Variants in WFS1 observed in about 807,000 individuals in gnomAD.
WFS1 encodes wolframin.
WFS1 carries 90 observed loss-of-function variants against 68.5 expected under a neutral mutation model. The observed-to-expected ratio is 1.31, with a 90% CI of 1.11 to 1.56. The LOEUF (loss-of-function observed/expected upper bound fraction) is 1.56. Among genes scored for constraint, WFS1 ranks in the 40% most tolerant of loss-of-function variants. The pLI is 0.00. For synonymous variants in WFS1, 860 were observed against 540.7 expected (o/e 1.59, Z -8.19); for missense variants, 1,767 against 1,232.6 (o/e 1.43, Z -6.49).
chr4:6,296,691 C>T (rs1730648808), intron 7 of WFS1, among the ~76,000 whole-genome samples: 1 of 152,216 alleles, frequency 6.6e-6, no homozygotes, highest in Admixed American at 6.5e-5. Flanking sequence ...GGCCATGGCC[C>T]AGGTGTCCCA....
chr4:6,301,410 A>G lies in WFS1; in HGVS notation c.1615A>G (p.Met539Val), dbSNP rs1178491578. 6.2e-7 allele frequency: 1 copy of G among 1,612,488 alleles called. No individual in the cohort carries two copies. The highest frequency in any genetic ancestry group is 1.7e-5 in the Admixed American group (1 of 60,038). The change falls in exon 8 of 8, where the codon ATG (methionine) becomes GTG (valine). Residue 539 changes from methionine to valine, a missense_variant. Met to Val is a conservative substitution (Grantham distance 21). Transcript: ENST00000226760. ...CCTTGTGCCCTACCTGGTGTGCTTCATGTGGTGTGAGCTCTCCGTGGTCAT... is the reference window on the plus strand; with the variant it reads ...CCTTGTGCCCTACCTGGTGTGCTTCGTGTGGTGTGAGCTCTCCGTGGTCAT... ...CYLVPYLVCF[M>V]WCELSVVILL...
intron 6 of WFS1, 93 bp downstream of exon 6, chr4:6,292,090 C>T (rs1385747992): frequency 3.0e-6 from 4 of 1,328,876 alleles, no homozygotes; most frequent in African/African-American, 2.9e-5. Flanking sequence ...CCTGGCCTGC[C>T]CTATCTCACC....
Position 6,287,230 on chromosome 4 carries a change from C to A in WFS1, c.315+55C>A. The A allele has an allele frequency of 6.8e-7, 1 of 1,461,332 alleles. No homozygotes were observed. The highest frequency in any genetic ancestry group is 9.4e-7 in the Non-Finnish European group (1 of 1,067,132). The allele number at this position is 1,461,332 out of a possible 1,614,324, so 90.5% of individuals were successfully genotyped here. A position where few individuals can be genotyped will look rare whatever the true frequency, so the allele number is the denominator to read the frequency against. On this transcript the variant is annotated intron_variant, in intron 3 of 7. Coordinates refer to ENST00000226760, the MANE Select transcript of WFS1 (RefSeq NM_006005.3). The surrounding 1 kb of genome is among the most constrained non-coding windows in gnomAD (Gnocchi z 6.4). ...GGGACGCGGCCCCCGGCACAACAGG[C>A]CTGGCCACGAGCTCCACAGCCCACA...
At chr4:6,277,380 T>A in intron 1 of WFS1, 71 bp from the exon 2 acceptor site, 1 of 1,440,968 alleles carries the variant, frequency 6.9e-7, no homozygotes, top group South Asian at 1.2e-5. Context: ...CTTTTCTGTC[T>A]CCAGCAGACA....
intron 7 of WFS1, 142 bp from the exon 8 acceptor site, chr4:6,300,515 C>G (rs1029730050): frequency 7.8e-7 from 1 of 1,286,268 alleles, no homozygotes; most frequent in Non-Finnish European, 1.1e-6. Flanking sequence ...GGAGGGAGGA[C>G]CACTAGGATG....
intron 1 of WFS1, among the ~76,000 whole-genome samples, chr4:6,274,734 G>T (rs1026706845): frequency 1.3e-5 from 2 of 152,162 alleles, no homozygotes; most frequent in Non-Finnish European, 2.9e-5. Flanking sequence ...AGAGGGCCCT[G>T]CAGAAACAGA....
intron 6 of WFS1, among the ~76,000 whole-genome samples, chr4:6,294,114 G>A (rs1730556107): frequency 6.6e-6 from 1 of 152,182 alleles, no homozygotes; most frequent in Non-Finnish European, 1.5e-5. Context: ...TGCCATCTTG[G>A]ATGCAGCCTG....
At chr4:6,299,878 GCA>G (rs1161523219) in intron 7 of WFS1, among the ~76,000 whole-genome samples, 19 of 118,692 alleles carry the variant, frequency 1.6e-4, no homozygotes, top group African/African-American at 6.5e-4. Context: ...GGGGTGGGCT[GCA>G]TGTGTGTGTG....
rs1193047205 is a variant in WFS1 at position 6,300,823 on chromosome 4, T to A, written c.1028T>A (p.Phe343Tyr). The A allele has an allele frequency of 1.9e-6, 3 of 1,614,056 alleles. No individual in the cohort carries two copies. Among genetic ancestry groups the A allele is most frequent in the Non-Finnish European group, 2.5e-6 (3 of 1,179,956 alleles). The change falls in exon 8 of 8, where the codon TTC becomes TAC. Residue 343 changes from phenylalanine (F) to tyrosine (Y), a missense_variant. By Grantham distance (22) the Phe-to-Tyr change is conservative. Transcript: ENST00000226760. ...VSNLTIDFFA[F>Y]FIPLVIFYLS... is the part of the protein sequence containing the mutation. The stretch of plus-strand genomic sequence containing the variant: ...AACCTCACCATCGACTTCTTCGCCT[T>A]CTTCATCCCGCTGGTCATCTTCTAC...
At chr4:6,275,020 C>T (rs940785662) in intron 1 of WFS1, among the ~76,000 whole-genome samples, 3 of 152,102 alleles carry the variant, frequency 2.0e-5, no homozygotes, top group Admixed American at 1.3e-4. Context: ...AACATTTCCC[C>T]ATCTATAACT....
At position 6,283,653 on chromosome 4, in the gene WFS1, C is replaced by T. The variant is rs755843391; in HGVS notation, c.233-3440C>T. Among the ~76,000 whole-genome samples the T allele has an allele frequency of 1.4e-4, 22 of 152,338 alleles. No individual in the cohort carries two copies. The highest frequency in any genetic ancestry group is 3.4e-3 in the Middle Eastern group (1 of 294). Reference sequence around the variant, plus strand: ...TTCCCAGCAGTTCTAGCACAAACTCCGCTGGGCTGTGTCCATCCCTGAACC... The same window carrying T: ...TTCCCAGCAGTTCTAGCACAAACTCTGCTGGGCTGTGTCCATCCCTGAACC... On this transcript the variant is annotated intron_variant, in intron 2 of 7. Transcript: ENST00000226760. The surrounding 1 kb of genome is among the most constrained non-coding windows in gnomAD (Gnocchi z 5.0).
chr4:6,298,221 G>A (rs1262769990), intron 7 of WFS1, among the ~76,000 whole-genome samples: 5 of 152,232 alleles, frequency 3.3e-5, no homozygotes, highest in Non-Finnish European at 7.3e-5. Context: ...GCCGGCTGAC[G>A]CACATGTTGA....
chr4:6,276,447 C>G (rs1438373418), intron 1 of WFS1, among the ~76,000 whole-genome samples: 2 of 152,132 alleles, frequency 1.3e-5, no homozygotes, highest in Non-Finnish European at 2.9e-5. Context: ...TTCTGATGCC[C>G]CCACCGCACT....
At chr4:6,294,198 C>T (rs765896712) in intron 6 of WFS1, among the ~76,000 whole-genome samples, 1 of 152,174 alleles carries the variant, frequency 6.6e-6, no homozygotes, top group Non-Finnish European at 1.5e-5. Flanking sequence ...CTTTCTTTCC[C>T]ATCCTTCCCC....
At chr4:6,295,501 C>A (rs1376640114) in intron 7 of WFS1, among the ~76,000 whole-genome samples, 1 of 152,202 alleles carries the variant, frequency 6.6e-6, no homozygotes, top group African/African-American at 2.4e-5. Context: ...GGGCTGGACG[C>A]AGACTTTCAT....
Position 6,301,987 on chromosome 4 carries a change from T to G in WFS1, c.2192T>G (p.Met731Arg). ...NMLPFFIGDWMRCLYGEAYPA... is the reference protein window; with the variant it reads ...NMLPFFIGDWRRCLYGEAYPA... ...CTCCCGTTCTTCATCGGCGACTGGATGCGCTGCCTCTACGGCGAGGCCTAC... is the reference window on the plus strand; with the variant it reads ...CTCCCGTTCTTCATCGGCGACTGGAGGCGCTGCCTCTACGGCGAGGCCTAC... Residue 731 changes from methionine to arginine, a missense_variant, in exon 8 of 8, where the codon ATG (methionine) becomes AGG (arginine). Transcript: ENST00000226760. 1 of 1,612,748 alleles carries G rather than the reference T, an allele frequency of 6.2e-7. No homozygotes were observed.
chr4:6,302,094 A>T lies in WFS1; in HGVS notation c.2299A>T (p.Ile767Phe). The T allele has an allele frequency of 6.2e-7, 1 of 1,612,906 alleles. No individual in the cohort carries two copies. Among genetic ancestry groups the T allele is most frequent in the Non-Finnish European group, 8.5e-7 (1 of 1,180,018 alleles). Residue 767 changes from isoleucine (I) to phenylalanine (F), a missense_variant, in exon 8 of 8, where the codon ATC becomes TTC. Ile to Phe is a conservative substitution (Grantham distance 21, BLOSUM62 0). Transcript: ENST00000226760. ...LKLLAKHPCH[I>F]KKFDRYKFEI... is the part of the protein sequence containing the mutation. The stretch of plus-strand genomic sequence containing the variant: ...GCTGCTGGCCAAGCACCCCTGCCAC[A>T]TCAAGAAGTTCGACCGCTACAAGTT...
rs1350924231 is a variant in WFS1 at position 6,283,470 on chromosome 4, C to T, written c.233-3623C>T. Among the ~76,000 whole-genome samples, 4 of 152,212 alleles carry T rather than the reference C, an allele frequency of 2.6e-5. No homozygotes were observed. Among genetic ancestry groups the T allele is most frequent in the African/African-American group, 9.6e-5 (4 of 41,460 alleles). ...TAGTTTGCTTCAGGCACGGCTGGAT[C>T]CAGGGGCTCAGATGATGTCATCAGG... On this transcript the variant is annotated intron_variant, in intron 2 of 7. Transcript: ENST00000226760. The surrounding 1 kb of genome is among the most constrained non-coding windows in gnomAD (Gnocchi z 5.0).
chr4:6,272,526 C>T (rs1030522798), intron 1 of WFS1, among the ~76,000 whole-genome samples: 4 of 152,196 alleles, frequency 2.6e-5, no homozygotes, highest in Non-Finnish European at 4.4e-5. Context: ...TGCCAGGGGG[C>T]TGGGTCAGGC....
Sources: gnomAD v4.1 joint callset for allele counts (sites outside exome capture counted in the v4.1 genomes callset) on GRCh38, gnomAD v4.1.1 for gene constraint, Gnocchi (gnomAD v3.1) non-coding constraint, MANE v1.5 for transcripts, NCBI Gene and HGNC (gene_info 2026-07-23, HGNC 2026-07-21) for gene names.